Variants in CELF2 observed in about 807,000 individuals in gnomAD.
The protein encoded by CELF2 is CUG triplet repeat RNA-binding protein 2.
In CELF2, 8 loss-of-function variants were observed where a neutral mutation model predicts 62.6. The observed-to-expected ratio is 0.13, with a 90% CI of 0.07 to 0.23. CELF2 has a LOEUF of 0.23. Ranked by LOEUF, CELF2 falls within the 10% of genes least tolerant of loss-of-function variation. CELF2 has a pLI of 1.00. For missense variants in CELF2, 333 were observed against 671.0 expected, an observed-to-expected ratio of 0.50 and a Z score of 5.56; for synonymous variants, 258 against 250.0, an observed-to-expected ratio of 1.03 and a Z score of -0.30.
chr10:10,746,778 A>T, the CELF2 span, among the ~76,000 whole-genome samples: 1 of 152,196 alleles, frequency 6.6e-6, no homozygotes, highest in Non-Finnish European at 1.5e-5. Context: ...TAAATTATTA[A>T]ATGAGTGATT....
intron 1 of CELF2, among the ~76,000 whole-genome samples, chr10:10,873,455 GACA>G (rs1244305281): frequency 6.6e-6 from 1 of 152,154 alleles, no homozygotes; most frequent in African/African-American, 2.4e-5. Flanking sequence ...TTTCTTTAGT[GACA>G]ACATCTTTTA....
intron 1 of CELF2, among the ~76,000 whole-genome samples, chr10:11,112,435 A>G (rs575964791): frequency 2.6e-5 from 4 of 152,336 alleles, no homozygotes; most frequent in South Asian, 4.1e-4. Flanking sequence ...AGTGACGTAT[A>G]TGTACACACA....
intron 1 of CELF2, among the ~76,000 whole-genome samples, chr10:10,905,582 T>TAAA (rs11386664): frequency 1.4e-5 from 2 of 143,864 alleles, no homozygotes; most frequent in Admixed American, 6.9e-5. Flanking sequence ...CATCTCTACT[T>TAAA]AAAAAAAAAA....
chr10:10,843,159 T>C (rs746520066), intron 1 of CELF2, among the ~76,000 whole-genome samples: 45 of 152,092 alleles, frequency 3.0e-4, no homozygotes, highest in Admixed American at 5.2e-4. Context: ...TATCTGATAT[T>C]GGCAATTTGT....
the CELF2 span, among the ~76,000 whole-genome samples, chr10:10,485,629 A>T: frequency 3.9e-5 from 6 of 152,194 alleles, no homozygotes; most frequent in South Asian, 1.2e-3. Context: ...TTATATTAAC[A>T]ATGTTCACAG....
the CELF2 span, among the ~76,000 whole-genome samples, chr10:10,733,995 A>G: frequency 0.41 from 62,529 of 152,108 alleles, 13,665 homozygotes; most frequent in East Asian, 0.69. Context: ...AGGAAATTAA[A>G]CATTTTATAA....
the CELF2 span, among the ~76,000 whole-genome samples, chr10:10,737,994 C>A: frequency 1.3e-5 from 2 of 152,164 alleles, no homozygotes; most frequent in Non-Finnish European, 2.9e-5. Context: ...AGCTCAACAG[C>A]TCCAGCCACA....
the CELF2 span, among the ~76,000 whole-genome samples, chr10:10,646,466 G>T: frequency 3.3e-5 from 5 of 152,122 alleles, no homozygotes; most frequent in Non-Finnish European, 1.5e-5. Flanking sequence ...TCGTTTCTCA[G>T]CCCCTTACTT....
At chr10:10,805,438 C>G (rs1391128105) in intron 1 of CELF2, among the ~76,000 whole-genome samples, 1 of 152,170 alleles carries the variant, frequency 6.6e-6, no homozygotes, top group East Asian at 1.9e-4. Context: ...AATCATGACT[C>G]AGTTACGACT....
At chr10:10,543,322 G>A in the CELF2 span, among the ~76,000 whole-genome samples, 147,164 of 152,206 alleles carry the variant, frequency 0.97, 71,171 homozygotes, top group South Asian at 0.98. Context: ...CTAAAAAAAA[G>A]CAAGTCTCAA....
chr10:11,128,484 C>G (rs902957766), intron 1 of CELF2, among the ~76,000 whole-genome samples: 1 of 152,148 alleles, frequency 6.6e-6, no homozygotes, highest in Non-Finnish European at 1.5e-5. Context: ...GCCATTTTCA[C>G]GATATTGATT....
At chr10:11,317,402 T>G (rs1366611686) in intron 10 of CELF2, 2 of 152,246 alleles carry the variant, frequency 1.3e-5, no homozygotes, top group Non-Finnish European at 2.9e-5. Flanking sequence ...TGACACCCAG[T>G]GCACATATAG....
At chr10:10,488,222 A>G in the CELF2 span, among the ~76,000 whole-genome samples, 1 of 152,156 alleles carries the variant, frequency 6.6e-6, no homozygotes, top group Non-Finnish European at 1.5e-5. Flanking sequence ...TAGTAATCCC[A>G]ATCCTTATTT....
the CELF2 span, among the ~76,000 whole-genome samples, chr10:10,729,863 T>C: frequency 6.6e-6 from 1 of 152,210 alleles, no homozygotes; most frequent in African/African-American, 2.4e-5. Flanking sequence ...ATGATATGCT[T>C]ATTACTCTTA....
At chr10:10,919,107 T>C (rs2064626582) in intron 1 of CELF2, among the ~76,000 whole-genome samples, 1 of 151,982 alleles carries the variant, frequency 6.6e-6, no homozygotes, top group South Asian at 2.1e-4. Context: ...CTGTCTCTAC[T>C]AAAAATACAA....
At chr10:11,086,599 A>AC (rs2046843467) in intron 1 of CELF2, among the ~76,000 whole-genome samples, 1 of 140,308 alleles carries the variant, frequency 7.1e-6, no homozygotes. Flanking sequence ...AAAAAAAAAA[A>AC]AAAAAAAAAA....
chr10:10,622,934 G>A, the CELF2 span, among the ~76,000 whole-genome samples: 1 of 151,140 alleles, frequency 6.6e-6, no homozygotes, highest in African/African-American at 2.4e-5. Flanking sequence ...ACAAAAAAAC[G>A]TAGCCGGGCG....
At position 11,329,194 on chromosome 10, in the gene CELF2, C is replaced by T. The variant is rs539290283; in HGVS notation, c.*141C>T. 33 of 803,184 alleles carry T rather than the reference C, an allele frequency of 4.1e-5. No individual in the cohort carries two copies. The African/African-American group carries it at 5.6e-4, about 14-fold the overall frequency. The allele number at this position is 803,184 out of a possible 1,614,324, so 49.8% of individuals were successfully genotyped here. On this transcript the variant is annotated 3_prime_UTR_variant, in exon 13 of 13. Transcript: ENST00000633077. This position sits in a 1 kb window ranked among gnomAD's most constrained non-coding sequence, Gnocchi z 5.5. ...GAGACGGTTATTTTTACAATAAGGC[C>T]TCCATGTCCCCACCCACTTCCCCTA... is the stretch of plus-strand genomic sequence containing the variant.
the CELF2 span, among the ~76,000 whole-genome samples, chr10:10,522,363 C>T: frequency 3.9e-5 from 6 of 152,164 alleles, no homozygotes; most frequent in Admixed American, 3.9e-4. Flanking sequence ...TCCCAATCTT[C>T]GGCATGCCGA....
Sources: allele counts gnomAD v4.1 joint callset (sites outside exome capture counted in the v4.1 genomes callset), GRCh38; gene constraint gnomAD v4.1.1; non-coding constraint Gnocchi (gnomAD v3.1); transcripts MANE v1.5; gene names NCBI Gene and HGNC (gene_info 2026-07-23, HGNC 2026-07-21).